The following DLGAP2 variants were observed in gnomAD, a reference collection of about 807,000 sequenced individuals.
The protein encoded by DLGAP2 is DLG associated protein 2, also known as disks large-associated protein 2.
A neutral mutation model predicts 100.3 loss-of-function variants in DLGAP2; 26 were observed. That is an observed-to-expected ratio of 0.26 (90% CI 0.19 to 0.36). DLGAP2 has a LOEUF of 0.36. DLGAP2 is among the 10% of genes least tolerant of loss of function. The pLI, the probability that DLGAP2 is intolerant of heterozygous loss-of-function variation, is 1.00. For synonymous variants in DLGAP2, 886 were observed against 630.1 expected (o/e 1.41, Z -6.08); for missense variants, 1,858 against 1,453.2 (o/e 1.28, Z -4.53).
intron 1 of DLGAP2, among the ~76,000 whole-genome samples, chr8:885,362 C>G (rs1367873864): frequency 6.6e-6 from 1 of 152,164 alleles, no homozygotes; most frequent in East Asian, 1.9e-4. Context: ...AGCTGTATTC[C>G]TAGGTATTTT....
intron 12 of DLGAP2, chr8:1,680,649 G>C (rs987970880): frequency 6.6e-6 from 1 of 152,230 alleles, no homozygotes; most frequent in South Asian, 2.1e-4. Context: ...CAGCACAGCC[G>C]TGTTCCGATC....
intron 1 of DLGAP2, among the ~76,000 whole-genome samples, chr8:818,757 TAC>T (rs1796532421): frequency 6.6e-6 from 1 of 152,314 alleles, no homozygotes; most frequent in East Asian, 1.9e-4. Flanking sequence ...TTCAAGAGTA[TAC>T]AGTTAGTGAA....
At chr8:1,664,023 C>T (rs1171867426) in intron 8 of DLGAP2, among the ~76,000 whole-genome samples, 1 of 152,162 alleles carries the variant, frequency 6.6e-6, no homozygotes, top group Non-Finnish European at 1.5e-5. Context: ...TATCCTTATG[C>T]CAGAGAATAG....
intron 2 of DLGAP2, among the ~76,000 whole-genome samples, chr8:954,976 G>T (rs975478540): frequency 6.6e-6 from 1 of 152,150 alleles, no homozygotes. Flanking sequence ...AGAAGAGAAC[G>T]AGGATTTTTA....
At chr8:1,249,728 A>G (rs1231743736) in intron 2 of DLGAP2, among the ~76,000 whole-genome samples, 1 of 152,186 alleles carries the variant, frequency 6.6e-6, no homozygotes, top group Non-Finnish European at 1.5e-5. Context: ...TTAAAAGGAT[A>G]TAAAAATAAA....
At chr8:1,157,265 C>T (rs1424013482) in intron 2 of DLGAP2, among the ~76,000 whole-genome samples, 1 of 152,130 alleles carries the variant, frequency 6.6e-6, no homozygotes, top group African/African-American at 2.4e-5. Flanking sequence ...GGAGGATGTC[C>T]TCTCGTGGCA....
chr8:1,288,290 G>T, intron 3 of DLGAP2, among the ~76,000 whole-genome samples: 1 of 146,494 alleles, frequency 6.8e-6, no homozygotes, highest in African/African-American at 2.5e-5. Context: ...TTTTGGTTCA[G>T]CGTGTGTGTG....
intron 6 of DLGAP2, among the ~76,000 whole-genome samples, chr8:1,577,002 C>G (rs180695915): frequency 1.3e-5 from 2 of 152,330 alleles, no homozygotes; most frequent in African/African-American, 4.8e-5. Context: ...AGGCATCACA[C>G]TACCTGACTT....
chr8:1,006,494 T>C (rs2129019476), intron 2 of DLGAP2, among the ~76,000 whole-genome samples: 1 of 119,588 alleles, frequency 8.4e-6, no homozygotes, highest in Non-Finnish European at 1.7e-5. Context: ...GGACACCGTG[T>C]GTCTCAAGTC....
chr8:1,426,628 G>C (rs1737726100), intron 3 of DLGAP2, among the ~76,000 whole-genome samples: 1 of 152,174 alleles, frequency 6.6e-6, no homozygotes, highest in African/African-American at 2.4e-5. Context: ...TCAAGACCAT[G>C]CATGACTAAG....
At chr8:1,349,815 C>T (rs1466236186) in intron 3 of DLGAP2, among the ~76,000 whole-genome samples, 2 of 152,228 alleles carry the variant, frequency 1.3e-5, no homozygotes, top group Non-Finnish European at 2.9e-5. Context: ...CATCAGACAC[C>T]TTGAATTGCT....
intron 3 of DLGAP2, among the ~76,000 whole-genome samples, chr8:1,430,027 T>TATACAC (rs1282725274): frequency 1.3e-5 from 1 of 76,888 alleles, no homozygotes; most frequent in Non-Finnish European, 2.5e-5. Flanking sequence ...TATATATATA[T>TATACAC]ACACACACAC....
At chr8:1,421,411 A>G (rs1423740095) in intron 3 of DLGAP2, among the ~76,000 whole-genome samples, 1 of 152,188 alleles carries the variant, frequency 6.6e-6, no homozygotes, top group Non-Finnish European at 1.5e-5. Context: ...GGCTCTCAGA[A>G]TAATAACACC....
chr8:840,574 G>A (rs1372632422), intron 1 of DLGAP2, among the ~76,000 whole-genome samples: 7 of 75,076 alleles, frequency 9.3e-5, no homozygotes, highest in Admixed American at 1.4e-4. Context: ...TCCACACGGT[G>A]CACGCCTGCA....
At chr8:893,684 C>T (rs1279571387) in intron 1 of DLGAP2, among the ~76,000 whole-genome samples, 2 of 152,214 alleles carry the variant, frequency 1.3e-5, no homozygotes, top group Admixed American at 6.5e-5. Context: ...TCCAGCGGCC[C>T]TCCTGCCTGC....
intron 1 of DLGAP2, among the ~76,000 whole-genome samples, chr8:830,593 T>A (rs1193623449): frequency 6.6e-6 from 1 of 152,216 alleles, no homozygotes; most frequent in African/African-American, 2.4e-5. Flanking sequence ...TTCTATTTAT[T>A]TAAGTTACGG....
intron 2 of DLGAP2, among the ~76,000 whole-genome samples, chr8:985,114 T>G (rs1800448411): frequency 6.6e-6 from 1 of 152,206 alleles, no homozygotes; most frequent in South Asian, 2.1e-4. Flanking sequence ...ACAGTGATCA[T>G]GCCAGAGATC....
chr8:1,020,480 G>A (rs1044171547), intron 2 of DLGAP2, among the ~76,000 whole-genome samples: 3 of 152,112 alleles, frequency 2.0e-5, no homozygotes, highest in South Asian at 2.1e-4. Context: ...ATGTATTATC[G>A]CACCTGATTT....
chr8:1,407,445 T>G (rs1464543833), intron 3 of DLGAP2, among the ~76,000 whole-genome samples: 1 of 140,440 alleles, frequency 7.1e-6, no homozygotes, highest in Non-Finnish European at 1.6e-5. Flanking sequence ...GTGTATTGAG[T>G]GCTTACTGAG....
Sources: allele counts gnomAD v4.1 joint callset (sites outside exome capture counted in the v4.1 genomes callset), GRCh38; gene constraint gnomAD v4.1.1; transcripts MANE v1.5; gene names NCBI Gene and HGNC (gene_info 2026-07-23, HGNC 2026-07-21).